The following KCNH1 variants were observed in gnomAD, a reference collection of about 807,000 sequenced individuals.
KCNH1 encodes potassium voltage-gated channel subfamily H member 1, also known as voltage-gated delayed rectifier potassium channel KCNH1.
Under a neutral mutation model 69.2 loss-of-function variants are expected in KCNH1, and 27 were observed. The ratio of observed to expected loss-of-function variants is 0.39; its 90% CI spans 0.29 to 0.54. KCNH1 has a LOEUF of 0.54. Among genes scored for constraint, KCNH1 ranks in the 20% least tolerant of loss-of-function variants. The probability of loss-of-function intolerance (pLI) is 0.68; values close to 1 mark genes in which losing one functional copy is unlikely to be tolerated. For synonymous variants in KCNH1, 456 were observed against 487.7 expected, an observed-to-expected ratio of 0.93 and a Z score of 0.86; for missense variants, 798 against 1,261.6, an observed-to-expected ratio of 0.63 and a Z score of 5.57.
At chr1:210,813,909 A>G (rs1385284529) in intron 7 of KCNH1, among the ~76,000 whole-genome samples, 1 of 152,134 alleles carries the variant, frequency 6.6e-6, no homozygotes, top group Admixed American at 6.6e-5. Flanking sequence ...GGTTTTATAA[A>G]TGGGAGTTTC....
intron 6 of KCNH1, among the ~76,000 whole-genome samples, chr1:210,933,592 G>A (rs1387884470): frequency 2.0e-5 from 3 of 151,600 alleles, no homozygotes; most frequent in African/African-American, 7.3e-5. Flanking sequence ...TGAATGAAAT[G>A]AAAAGTTGGT....
At chr1:210,912,995 T>C (rs1687263761) in intron 7 of KCNH1, among the ~76,000 whole-genome samples, 1 of 152,052 alleles carries the variant, frequency 6.6e-6, no homozygotes, top group Admixed American at 6.5e-5. Flanking sequence ...AAACCCAAAA[T>C]AGGGTCCATC....
intron 8 of KCNH1, 131 bp downstream of exon 8, chr1:210,803,836 C>A: frequency 1.4e-6 from 1 of 737,574 alleles, no homozygotes; most frequent in Non-Finnish European, 2.3e-6. Context: ...GGAGGTAGGA[C>A]CTGGAATCCC....
chr1:210,843,733 G>A (rs1023304279), intron 7 of KCNH1, among the ~76,000 whole-genome samples: 1 of 152,184 alleles, frequency 6.6e-6, no homozygotes, highest in African/African-American at 2.4e-5. Flanking sequence ...GAGGTTGAGG[G>A]CAACTGTTTG....
intron 10 of KCNH1, among the ~76,000 whole-genome samples, chr1:210,726,914 C>T (rs544238034): frequency 6.6e-6 from 1 of 152,228 alleles, no homozygotes; most frequent in African/African-American, 2.4e-5. Flanking sequence ...GGTATGGAAA[C>T]CCTTCCCATG....
rs1002629179 is a variant in KCNH1, at chr1:210,988,617, G to T, written c.1032+30166C>A. On this transcript the variant is annotated intron_variant, in intron 6 of 10. Transcript: ENST00000271751. ...TAGAAGCAACATATTTGAAAGTATTGCCCCAAGACCTAATAAATGACCATG... is the reference window on the plus strand; with the variant it reads ...TAGAAGCAACATATTTGAAAGTATTTCCCCAAGACCTAATAAATGACCATG... Among the ~76,000 whole-genome samples the T allele has an allele frequency of 5.3e-5, 8 of 152,268 alleles. No homozygotes were observed. The East Asian group carries it at 9.7e-4, about 18-fold the overall frequency.
chr1:211,105,010 A>G (rs1461134388), intron 2 of KCNH1, among the ~76,000 whole-genome samples: 1 of 152,134 alleles, frequency 6.6e-6, no homozygotes, highest in Non-Finnish European at 1.5e-5. Context: ...CCCAATAAGA[A>G]GAGAGTCCTA....
rs563813564 is a variant in KCNH1 at position 210,984,535 on chromosome 1, G to A, written c.1032+34248C>T. 2.0e-5 allele frequency among the ~76,000 whole-genome samples: 3 copies of A among 152,016 alleles called. No individual in the cohort carries two copies. The South Asian group carries it at 6.2e-4, about 31-fold the overall frequency. On this transcript the variant is annotated intron_variant, in intron 6 of 10. Transcript: ENST00000271751. ...TTTCTGCATCTATTGAGATAATCATGTGGTTTTTGTCACTGGTTCTGTTTA... is the reference window on the plus strand; with the variant it reads ...TTTCTGCATCTATTGAGATAATCATATGGTTTTTGTCACTGGTTCTGTTTA...
intron 7 of KCNH1, among the ~76,000 whole-genome samples, chr1:210,821,341 G>T (rs76262200): frequency 0.01 from 1,561 of 152,214 alleles, 28 homozygotes; most frequent in African/African-American, 0.036. Context: ...CTTTCAGTTG[G>T]TATATTAATA....
chr1:210,786,625 A>G (rs1684109452), intron 9 of KCNH1, among the ~76,000 whole-genome samples: 1 of 152,080 alleles, frequency 6.6e-6, no homozygotes, highest in African/African-American at 2.4e-5. Context: ...CACCTAGACC[A>G]TGATGTTCCC....
chr1:211,128,290 A>T, intron 1 of KCNH1, among the ~76,000 whole-genome samples: 1 of 151,808 alleles, frequency 6.6e-6, no homozygotes, highest in South Asian at 2.1e-4. Flanking sequence ...CTCAAAAAAA[A>T]AAAAAAAAAA....
At chr1:211,047,897 G>A (rs4951494) in intron 5 of KCNH1, among the ~76,000 whole-genome samples, 6,680 of 151,510 alleles carry the variant, frequency 0.044, 265 homozygotes, top group East Asian at 0.12. Flanking sequence ...CTAAGGACAT[G>A]AATAGACAAT....
chr1:210,878,803 A>C (rs1290636831), intron 7 of KCNH1, among the ~76,000 whole-genome samples: 1 of 152,032 alleles, frequency 6.6e-6, no homozygotes, highest in Non-Finnish European at 1.5e-5. Context: ...GAAATCAATA[A>C]AATTTAAAAA....
At chr1:211,112,505 A>T (rs61505929) in intron 1 of KCNH1, among the ~76,000 whole-genome samples, 1,061 of 89,326 alleles carry the variant, frequency 0.012, 13 homozygotes, top group East Asian at 0.095. Flanking sequence ...AATAAATAAA[A>T]AAAAAAAAAA....
intron 6 of KCNH1, among the ~76,000 whole-genome samples, chr1:210,955,524 C>A (rs1036437005): frequency 2.6e-5 from 4 of 152,172 alleles, no homozygotes; most frequent in African/African-American, 7.2e-5. Context: ...TTGATTCTTC[C>A]TGTCCATGAG....
intron 7 of KCNH1, among the ~76,000 whole-genome samples, chr1:210,910,671 A>C (rs551623352): frequency 6.6e-6 from 1 of 152,378 alleles, no homozygotes; most frequent in South Asian, 2.1e-4. Context: ...CGAAGGCAAG[A>C]GAATTGACCT....
intron 7 of KCNH1, among the ~76,000 whole-genome samples, chr1:210,864,479 C>G (rs1260937112): frequency 6.6e-6 from 1 of 152,166 alleles, no homozygotes; most frequent in Admixed American, 6.5e-5. Context: ...AGATAGCTTC[C>G]TGTGCTGTGA....
chr1:210,925,720 C>G (rs753538362), intron 6 of KCNH1, among the ~76,000 whole-genome samples: 16 of 152,224 alleles, frequency 1.1e-4, no homozygotes, highest in Admixed American at 3.3e-4. Context: ...GCAACTGCAG[C>G]AAGCCCCACA....
intron 10 of KCNH1, among the ~76,000 whole-genome samples, chr1:210,698,313 G>T (rs952246279): frequency 5.9e-5 from 9 of 152,122 alleles, no homozygotes; most frequent in African/African-American, 2.2e-4. Context: ...ACCATGGGCT[G>T]GTACCTCCCA....
Sources: allele counts gnomAD v4.1 joint callset (sites outside exome capture counted in the v4.1 genomes callset), GRCh38; gene constraint gnomAD v4.1.1; transcripts MANE v1.5; gene names NCBI Gene and HGNC (gene_info 2026-07-23, HGNC 2026-07-21).